WIPF2: variants seen among roughly 807,000 people sequenced by gnomAD.
WIPF2 encodes WAS/WASL interacting protein family member 2, also known as WAS/WASL-interacting protein family member 2.
A neutral mutation model predicts 38.8 loss-of-function variants in WIPF2; 23 were observed. The observed-to-expected ratio is 0.59, with a 90% confidence interval of 0.43 to 0.84. The LOEUF (loss-of-function observed/expected upper bound fraction) is 0.84. Among genes scored for constraint, WIPF2 ranks in the 40% least tolerant of loss-of-function variants. The pLI, the probability that WIPF2 is intolerant of heterozygous loss-of-function variation, is 0.00. For synonymous variants in WIPF2, 210 were observed against 223.2 expected (o/e 0.94, Z 0.53); for missense variants, 574 against 580.5 (o/e 0.99, Z 0.11).
At chr17:40,260,207 A>G (rs1430176779) in intron 2 of WIPF2, among the ~76,000 whole-genome samples, 1 of 93,988 alleles carries the variant, frequency 1.1e-5, no homozygotes, top group African/African-American at 4.3e-5. Flanking sequence ...TTTTTTTTGC[A>G]GGCACATTCT....
At chr17:40,261,542 A>C (rs1250418691) in intron 3 of WIPF2, among the ~76,000 whole-genome samples, 1 of 151,570 alleles carries the variant, frequency 6.6e-6, no homozygotes, top group East Asian at 1.9e-4. Context: ...CAGGTGATCC[A>C]CCTGCTCAGC....
intron 3 of WIPF2, among the ~76,000 whole-genome samples, chr17:40,261,790 C>T (rs2031914104): frequency 2.0e-5 from 3 of 150,612 alleles, no homozygotes; most frequent in South Asian, 4.2e-4. Context: ...GGGTTCATGC[C>T]ATTCTCCTGC....
chr17:40,256,437 T>G lies in WIPF2; in HGVS notation c.-23T>G. ...ACAAATAAAGACGGAGAGAGAACAGTGCCAACTGGGAGCAGGGCAAGAATG... is the reference window on the plus strand; with the variant it reads ...ACAAATAAAGACGGAGAGAGAACAGGGCCAACTGGGAGCAGGGCAAGAATG... On this transcript the variant is annotated 5_prime_UTR_variant, in exon 2 of 8. Transcript: ENST00000323571. The G allele has an allele frequency of 6.2e-7, 1 of 1,606,062 alleles. No homozygotes were observed. The highest frequency in any genetic ancestry group is 8.5e-7 in the Non-Finnish European group (1 of 1,177,354).
At chr17:40,268,159 A>G (rs1362764238) in intron 5 of WIPF2, among the ~76,000 whole-genome samples, 3 of 152,178 alleles carry the variant, frequency 2.0e-5, no homozygotes, top group African/African-American at 7.2e-5. Context: ...AAAAAAGGGT[A>G]AAGGTTATAT....
chr17:40,246,891 CACG>C (rs1378240367), intron 1 of WIPF2, among the ~76,000 whole-genome samples: 1 of 151,876 alleles, frequency 6.6e-6, no homozygotes, highest in Non-Finnish European at 1.5e-5. Flanking sequence ...GTGGGCGGAT[CACG>C]ACATCAGTAG....
intron 5 of WIPF2, among the ~76,000 whole-genome samples, 175 bp downstream of exon 5, chr17:40,265,321 T>A (rs1049639628): frequency 2.0e-5 from 3 of 152,098 alleles, no homozygotes; most frequent in Non-Finnish European, 4.4e-5. Context: ...GACAAAAAAA[T>A]TTGACAGTCA....
Position 40,219,429 on chromosome 17 carries a change from G to A in WIPF2, c.-133G>A. 5.3e-6 allele frequency: 2 copies of A among 376,338 alleles called. No homozygotes were observed. The highest frequency in any genetic ancestry group is 4.5e-5 in the Admixed American group (1 of 22,230). 23.3% of individuals were successfully genotyped at this position (376,338 alleles called of 1,614,324 possible). A position where few individuals can be genotyped will look rare whatever the true frequency, so the allele number is the denominator to read the frequency against. ...CGAGAAAGAGCTTGCCGGGGGGCGAGCAGGACAGGACGAAGCCGGAGTGTA... is the reference window on the plus strand; with the variant it reads ...CGAGAAAGAGCTTGCCGGGGGGCGAACAGGACAGGACGAAGCCGGAGTGTA... On this transcript the variant is annotated 5_prime_UTR_variant, in exon 1 of 8. Transcript: ENST00000323571.
At position 40,278,309 on chromosome 17, in the gene WIPF2, A is replaced by C. The variant is rs1173801019; in HGVS notation, c.*84A>C. The stretch of plus-strand genomic sequence containing the variant: ...TCCCTTCCATTCCCCTGAAACCTGC[A>C]TGAGAGCTCCTAACATGTTTCTCCA... On this transcript the variant is annotated 3_prime_UTR_variant, in exon 8 of 8. Transcript: ENST00000323571. 1 of 1,500,436 alleles carries C rather than the reference A, an allele frequency of 6.7e-7. No homozygotes were observed. The highest frequency in any genetic ancestry group is 2.4e-5 in the East Asian group (1 of 42,520). The allele number at this position is 1,500,436 out of a possible 1,614,324, so 92.9% of individuals were successfully genotyped here.
At position 40,267,881 on chromosome 17, in the gene WIPF2, C is replaced by G. The variant is rs72836655; in HGVS notation, c.970+2735C>G. On this transcript the variant is annotated intron_variant, in intron 5 of 7. Transcript: ENST00000323571. ...CATGGAGTCTGGGCATGATGGCTCA[C>G]GCCTTAATCCCAGCACTTTGGAAGG... 5.2e-3 allele frequency among the ~76,000 whole-genome samples: 798 copies of G among 152,250 alleles called. 2 individuals carry two copies. The highest frequency in any genetic ancestry group is 8.9e-3 in the Non-Finnish European group (607 of 68,024).
chr17:40,260,179 CTT>C (rs34757828), intron 2 of WIPF2, among the ~76,000 whole-genome samples: 8 of 101,042 alleles, frequency 7.9e-5, no homozygotes, highest in Admixed American at 1.1e-4. Flanking sequence ...ATAAAGGGAA[CTT>C]TTTTTTTTTT....
chr17:40,241,151 A>G (rs994234688), intron 1 of WIPF2, among the ~76,000 whole-genome samples: 2 of 152,230 alleles, frequency 1.3e-5, no homozygotes, highest in South Asian at 4.1e-4. Context: ...CTTCCCTAAC[A>G]CCAAGAATCA....
intron 1 of WIPF2, chr17:40,220,575 A>ATG (rs1265010685): frequency 4.5e-3 from 44 of 9,738 alleles, no homozygotes; most frequent in African/African-American, 8.7e-3. Context: ...GTGTGTGTGT[A>ATG]TATATATATA....
intron 1 of WIPF2, among the ~76,000 whole-genome samples, chr17:40,231,118 G>T (rs1278066139): frequency 6.6e-6 from 1 of 152,138 alleles, no homozygotes; most frequent in Non-Finnish European, 1.5e-5. Context: ...GTGATCAAGG[G>T]ACGGAAATGT....
In WIPF2 at chr17:40,264,863, A is replaced by G; in HGVS notation, c.687A>G (p.Pro229=). 6.2e-7 allele frequency: 1 copy of G among 1,613,996 alleles called. No individual in the cohort carries two copies. The part of the protein sequence containing the change: ...PGREGPPAPP[P]VKPPPSPVNI... ...GAGAGGGACCTCCTGCTCCACCCCC[A>G]GTCAAACCACCTCCTTCCCCTGTGA... Residue 229 remains proline (P), a synonymous_variant, in exon 5 of 8, where the codon CCA becomes CCG. Coordinates refer to ENST00000323571, the MANE Select transcript of WIPF2 (RefSeq NM_133264.5).
rs553517747 is a variant in WIPF2 at position 40,283,908 on chromosome 17, A to G, written c.*5683A>G. On this transcript the variant is annotated 3_prime_UTR_variant, in exon 8 of 8. Coordinates refer to ENST00000323571, the MANE Select transcript of WIPF2 (RefSeq NM_133264.5). Reference sequence around the variant, plus strand: ...AATGAGCTTAACTTGCACTTTCATCACTAGCAAAGGTCTTGAAGTTATTTC... The same window carrying G: ...AATGAGCTTAACTTGCACTTTCATCGCTAGCAAAGGTCTTGAAGTTATTTC... 19 of 152,220 alleles carry G rather than the reference A, an allele frequency of 1.2e-4. No individual in the cohort carries two copies. Among genetic ancestry groups the G allele is most frequent in the African/African-American group, 4.6e-4 (19 of 41,532 alleles). 9.4% of individuals were successfully genotyped at this position (152,220 alleles called of 1,614,324 possible). A position where few individuals can be genotyped will look rare whatever the true frequency, so the allele number is the denominator to read the frequency against.
chr17:40,227,627 C>G (rs1006145130), intron 1 of WIPF2, among the ~76,000 whole-genome samples: 1 of 151,576 alleles, frequency 6.6e-6, no homozygotes, highest in South Asian at 2.1e-4. Context: ...CTGAGGCGGG[C>G]GGATCACCTG....
At chr17:40,247,443 T>C (rs2031409084) in intron 1 of WIPF2, among the ~76,000 whole-genome samples, 1 of 151,410 alleles carries the variant, frequency 6.6e-6, no homozygotes, top group African/African-American at 2.4e-5. Flanking sequence ...AGTCTCGAAC[T>C]CCTGACCTCA....
chr17:40,248,130 T>G (rs1441167226), intron 1 of WIPF2, among the ~76,000 whole-genome samples: 1 of 145,476 alleles, frequency 6.9e-6, no homozygotes, highest in Non-Finnish European at 1.5e-5. Flanking sequence ...GATACATCAG[T>G]TTTTTTTTTT....
chr17:40,239,036 G>GTTTAT (rs1051233082), intron 1 of WIPF2, among the ~76,000 whole-genome samples: 2,598 of 144,554 alleles, frequency 0.018, 33 homozygotes, highest in Non-Finnish European at 0.021. Context: ...TCTGGCTTCT[G>GTTTAT]TTTATTTTAT....
Sources: gnomAD v4.1 joint callset for allele counts (sites outside exome capture counted in the v4.1 genomes callset) on GRCh38, gnomAD v4.1.1 for gene constraint, MANE v1.5 for transcripts, NCBI Gene and HGNC (gene_info 2026-07-23, HGNC 2026-07-21) for gene names.